FAM227B: variants seen among roughly 807,000 people sequenced by gnomAD.
FAM227B encodes the protein protein FAM227B.
Under a neutral mutation model 73.8 loss-of-function variants are expected in FAM227B, and 88 were observed. The observed-to-expected ratio is 1.19, with a 90% confidence interval of 1.00 to 1.42. The LOEUF is 1.42. FAM227B is among the 40% of genes most tolerant of loss of function. FAM227B has a pLI of 0.00. For synonymous variants in FAM227B, 210 were observed against 190.5 expected (o/e 1.10, Z -0.84); for missense variants, 632 against 590.9 (o/e 1.07, Z -0.72).
chr15:49,330,635 C>G (rs2038505656), intron 15 of FAM227B: 2 of 152,070 alleles, frequency 1.3e-5, no homozygotes, highest in African/African-American at 4.8e-5. Flanking sequence ...TTACCACTTA[C>G]CAGCTGAGGT....
chr15:49,503,873 C>A (rs1245106483), intron 11 of FAM227B, among the ~76,000 whole-genome samples: 1 of 152,146 alleles, frequency 6.6e-6, no homozygotes, highest in Non-Finnish European at 1.5e-5. Context: ...TGTGGCGATT[C>A]CTCAGGGACC....
intron 11 of FAM227B, among the ~76,000 whole-genome samples, chr15:49,448,190 G>T (rs2052397601): frequency 6.6e-6 from 1 of 151,662 alleles, no homozygotes; most frequent in Admixed American, 6.6e-5. Context: ...TAAATTACTA[G>T]AACTTTCTTT....
intron 3 of FAM227B, among the ~76,000 whole-genome samples, chr15:49,610,660 T>G (rs146786605): frequency 6.6e-6 from 1 of 152,246 alleles, no homozygotes; most frequent in East Asian, 1.9e-4. Flanking sequence ...TGGCCCTTAC[T>G]TGACATTCCT....
intron 13 of FAM227B, among the ~76,000 whole-genome samples, chr15:49,346,926 A>C (rs8039920): frequency 0.42 from 63,809 of 152,024 alleles, 13,529 homozygotes; most frequent in African/African-American, 0.45. Flanking sequence ...TATAAGTAAA[A>C]TATTTTAATG....
intron 10 of FAM227B, among the ~76,000 whole-genome samples, chr15:49,533,237 T>G (rs1450502636): frequency 1.3e-5 from 2 of 152,042 alleles, no homozygotes; most frequent in Non-Finnish European, 2.9e-5. Flanking sequence ...TCAGAAGAGA[T>G]GCTTGATATG....
chr15:49,465,363 T>C (rs374175758), intron 11 of FAM227B, among the ~76,000 whole-genome samples: 1 of 151,520 alleles, frequency 6.6e-6, no homozygotes. Flanking sequence ...CTCGAACTCC[T>C]GAGCTCAAGT....
At chr15:49,485,056 A>T (rs1260687540) in intron 11 of FAM227B, 4 of 152,122 alleles carry the variant, frequency 2.6e-5, no homozygotes, top group African/African-American at 9.7e-5. Flanking sequence ...ATTCTCAAAA[A>T]AACTATTATG....
chr15:49,479,063 A>G (rs1378634030), intron 11 of FAM227B, among the ~76,000 whole-genome samples: 2 of 152,352 alleles, frequency 1.3e-5, no homozygotes, highest in Admixed American at 6.5e-5. Context: ...AGATAAATTC[A>G]TGAATTATTG....
chr15:49,540,167 G>A (rs1333891677), intron 10 of FAM227B, among the ~76,000 whole-genome samples: 1 of 152,182 alleles, frequency 6.6e-6, no homozygotes, highest in African/African-American at 2.4e-5. Flanking sequence ...AAGACAGAAA[G>A]GATGAACACT....
intron 11 of FAM227B, among the ~76,000 whole-genome samples, chr15:49,453,256 T>A (rs996830329): frequency 3.3e-5 from 5 of 152,098 alleles, no homozygotes; most frequent in African/African-American, 1.2e-4. Context: ...TAAAAATATA[T>A]ACATATTTTC....
chr15:49,481,092 G>A (rs2055901329), intron 11 of FAM227B, among the ~76,000 whole-genome samples: 1 of 152,154 alleles, frequency 6.6e-6, no homozygotes, highest in African/African-American at 2.4e-5. Context: ...AGGGAGGAAT[G>A]GCAGGAGTAA....
chr15:49,512,413 T>C (rs894876528), intron 10 of FAM227B, among the ~76,000 whole-genome samples: 2 of 152,124 alleles, frequency 1.3e-5, no homozygotes, highest in Non-Finnish European at 2.9e-5. Context: ...TGCTCGCTTC[T>C]TCTATTAATT....
At chr15:49,552,470 T>C (rs1303745702) in intron 9 of FAM227B, among the ~76,000 whole-genome samples, 1 of 152,200 alleles carries the variant, frequency 6.6e-6, no homozygotes, top group African/African-American at 2.4e-5. Context: ...ATCTTTGGGT[T>C]AAACCTGCTT....
At chr15:49,467,892 T>A (rs1457100175) in intron 11 of FAM227B, among the ~76,000 whole-genome samples, 1 of 152,132 alleles carries the variant, frequency 6.6e-6, no homozygotes, top group East Asian at 1.9e-4. Flanking sequence ...GAAATATAAG[T>A]CTGTGCAATA....
intron 11 of FAM227B, among the ~76,000 whole-genome samples, chr15:49,436,551 G>C (rs1055393822): frequency 6.6e-6 from 1 of 151,546 alleles, no homozygotes; most frequent in Non-Finnish European, 1.5e-5. Flanking sequence ...TTAAATGTGT[G>C]AGTGGTTTCT....
chr15:49,388,432 A>G lies in FAM227B; in HGVS notation c.1013-17033T>C, dbSNP rs747576101. ...GGTGCTAGGAAAACTGCCAAGCCAC[A>G]CATTGAAGAATGAAACTGGATTCCT... On this transcript the variant is annotated intron_variant, in intron 11 of 15. Transcript: ENST00000299338. 3.1e-4 allele frequency among the ~76,000 whole-genome samples: 47 copies of G among 151,976 alleles called. 2 individuals are homozygous for G. The highest frequency in any genetic ancestry group is 6.0e-4 in the Non-Finnish European group (41 of 67,916).
At chr15:49,334,261 G>C (rs1386493073) in intron 14 of FAM227B, 1 of 983,708 alleles carries the variant, frequency 1.0e-6, no homozygotes, top group Non-Finnish European at 1.2e-6. Flanking sequence ...TGTTTTAGAA[G>C]TTTTATTTCT....
chr15:49,432,318 C>T (rs934286991), intron 11 of FAM227B, among the ~76,000 whole-genome samples: 2 of 151,628 alleles, frequency 1.3e-5, no homozygotes, highest in African/African-American at 4.8e-5. Flanking sequence ...GATATTAAGG[C>T]TGTTTCCTGT....
intron 3 of FAM227B, among the ~76,000 whole-genome samples, chr15:49,607,453 G>GA (rs2153322522): frequency 1.3e-5 from 2 of 152,280 alleles, no homozygotes; most frequent in South Asian, 4.1e-4. Flanking sequence ...TGTCAATTTA[G>GA]AATGGCAGCC....
Sources: gnomAD v4.1 joint callset for allele counts (sites outside exome capture counted in the v4.1 genomes callset) on GRCh38, gnomAD v4.1.1 for gene constraint, MANE v1.5 for transcripts, NCBI Gene and HGNC (gene_info 2026-07-23, HGNC 2026-07-21) for gene names.